AGO2: variants seen among roughly 807,000 people sequenced by gnomAD.
The protein encoded by AGO2 is argonaute RISC catalytic component 2.
Under a neutral mutation model 102.3 loss-of-function variants are expected in AGO2, and 5 were observed. The ratio of observed to expected loss-of-function variants is 0.05; its 90% CI spans 0.03 to 0.10. AGO2 has a LOEUF of 0.10. AGO2 is among the 10% of genes least tolerant of loss of function. AGO2 has a pLI of 1.00. For synonymous variants in AGO2, 449 were observed against 473.1 expected, an observed-to-expected ratio of 0.95 and a Z score of 0.66; for missense variants, 541 against 1,183.7, an observed-to-expected ratio of 0.46 and a Z score of 7.97.
At chr8:140,572,143 T>A (rs997715094) in intron 3 of AGO2, 3 of 152,204 alleles carry the variant, frequency 2.0e-5, no homozygotes, top group African/African-American at 7.2e-5. Flanking sequence ...AGTGACAACT[T>A]CTGGGCAGAA....
intron 10 of AGO2, among the ~76,000 whole-genome samples, chr8:140,551,667 A>ATGGTTGATGGGTGGGTGGT (rs2072999053): frequency 6.7e-6 from 1 of 149,148 alleles, no homozygotes; most frequent in Non-Finnish European, 1.5e-5. Flanking sequence ...GGGTGGGTGG[A>ATGGTTGATGGGTGGGTGGT]TGGTTGATGG....
intron 1 of AGO2, among the ~76,000 whole-genome samples, chr8:140,599,515 C>T (rs1388683082): frequency 1.3e-5 from 2 of 152,178 alleles, no homozygotes; most frequent in African/African-American, 4.8e-5. Context: ...CCCCCTAAAA[C>T]CTGCAGCTCC....
chr8:140,608,610 C>A (rs1333261350), intron 1 of AGO2, among the ~76,000 whole-genome samples: 1 of 152,232 alleles, frequency 6.6e-6, no homozygotes, highest in Non-Finnish European at 1.5e-5. Flanking sequence ...AAGGTCATGG[C>A]TGGCAGCACC....
intron 3 of AGO2, among the ~76,000 whole-genome samples, chr8:140,570,698 T>C (rs1296723473): frequency 6.6e-6 from 1 of 152,164 alleles, no homozygotes; most frequent in African/African-American, 2.4e-5. Context: ...GGAAGTAGTT[T>C]TTATTGCCAT....
At chr8:140,584,943 T>TA (rs1198113039) in intron 2 of AGO2, among the ~76,000 whole-genome samples, 176 bp downstream of exon 2, 2 of 152,132 alleles carry the variant, frequency 1.3e-5, no homozygotes, top group African/African-American at 4.8e-5. Flanking sequence ...TATATATATA[T>TA]TTTTTTCAAT....
At chr8:140,641,746 G>T in the AGO2 span, among the ~76,000 whole-genome samples, 1 of 152,142 alleles carries the variant, frequency 6.6e-6, no homozygotes, top group Admixed American at 6.5e-5. Flanking sequence ...ACCACGCCTG[G>T]CTAATTTTTG....
chr8:140,640,847 GACC>G, the AGO2 span, among the ~76,000 whole-genome samples: 2 of 152,182 alleles, frequency 1.3e-5, no homozygotes, highest in Non-Finnish European at 2.9e-5. Flanking sequence ...ATGATGTGAA[GACC>G]ACCCAGAGCA....
At chr8:140,547,131 C>G (rs548197014) in intron 13 of AGO2, among the ~76,000 whole-genome samples, 2 of 152,182 alleles carry the variant, frequency 1.3e-5, no homozygotes, top group Admixed American at 6.5e-5. Context: ...CTGGTCCACA[C>G]GGTAGCTGCT....
At chr8:140,641,381 A>T in the AGO2 span, among the ~76,000 whole-genome samples, 1 of 152,034 alleles carries the variant, frequency 6.6e-6, no homozygotes, top group Non-Finnish European at 1.5e-5. Context: ...TTAAGTAAAA[A>T]TTGTCAAAGA....
Position 140,539,172 on chromosome 8 carries a change from G to T in AGO2, c.2169+148C>A. On this transcript the variant is annotated intron_variant, in intron 16 of 18. Transcript: ENST00000220592. This position sits in a 1 kb window ranked among gnomAD's most constrained non-coding sequence, Gnocchi z 4.7. ...ACAGCCTTCTCTAGTGTCTAAACCT[G>T]GGTCCCCATGAAGCCCCTTAGAGGA... 8.8e-7 allele frequency: 1 copy of T among 1,138,376 alleles called. No homozygotes were observed. Among genetic ancestry groups the T allele is most frequent in the Non-Finnish European group, 1.2e-6 (1 of 820,562 alleles). The allele number at this position is 1,138,376 out of a possible 1,614,324, so 70.5% of individuals were successfully genotyped here.
intron 1 of AGO2, among the ~76,000 whole-genome samples, chr8:140,624,700 G>A (rs1346657146): frequency 6.6e-6 from 1 of 152,242 alleles, no homozygotes; most frequent in Non-Finnish European, 1.5e-5. Flanking sequence ...CGGCTGGGAG[G>A]AAGGGTTGGA....
chr8:140,605,222 G>T (rs550743959), intron 1 of AGO2, among the ~76,000 whole-genome samples: 23 of 152,270 alleles, frequency 1.5e-4, no homozygotes, highest in African/African-American at 5.3e-4. Context: ...AGCCTCCTGA[G>T]TAGCTAGGAG....
intron 3 of AGO2, among the ~76,000 whole-genome samples, chr8:140,566,908 T>C (rs948713752): frequency 6.6e-6 from 1 of 152,178 alleles, no homozygotes; most frequent in Non-Finnish European, 1.5e-5. Context: ...GGTCACGGCG[T>C]GCAAGTGGAG....
chr8:140,609,134 G>A (rs1355393575), intron 1 of AGO2, among the ~76,000 whole-genome samples: 1 of 152,262 alleles, frequency 6.6e-6, no homozygotes, highest in Non-Finnish European at 1.5e-5. Context: ...GGGGCCACGG[G>A]CTTGTGTACA....
At chr8:140,602,295 G>A (rs888730650) in intron 1 of AGO2, among the ~76,000 whole-genome samples, 4 of 152,124 alleles carry the variant, frequency 2.6e-5, no homozygotes, top group Admixed American at 6.5e-5. Flanking sequence ...AGCCTACATA[G>A]CTATAAGGTC....
chr8:140,635,339 G>A (rs2074392898), intron 1 of AGO2, 146 bp downstream of exon 1: 10 of 459,724 alleles, frequency 2.2e-5, no homozygotes, highest in Non-Finnish European at 2.8e-5. Flanking sequence ...GCCCCCAAGC[G>A]CGGCCCCGGC....
At chr8:140,627,937 T>A (rs976375130) in intron 1 of AGO2, among the ~76,000 whole-genome samples, 4 of 152,170 alleles carry the variant, frequency 2.6e-5, no homozygotes, top group African/African-American at 9.7e-5. Flanking sequence ...GGGGCTGTCC[T>A]CCAGGTTTCT....
intron 14 of AGO2, among the ~76,000 whole-genome samples, chr8:140,543,732 A>G (rs191595404): frequency 5.3e-5 from 8 of 152,318 alleles, no homozygotes; most frequent in Non-Finnish European, 1.0e-4. Flanking sequence ...ATCATTTCCT[A>G]ATTCTCCCAT....
At chr8:140,587,224 C>T (rs898064763) in intron 1 of AGO2, among the ~76,000 whole-genome samples, 2 of 152,166 alleles carry the variant, frequency 1.3e-5, no homozygotes, top group African/African-American at 4.8e-5. Flanking sequence ...GGTACTAACC[C>T]CTGTGAATAA....
Sources: allele counts gnomAD v4.1 joint callset (sites outside exome capture counted in the v4.1 genomes callset), GRCh38; gene constraint gnomAD v4.1.1; non-coding constraint Gnocchi (gnomAD v3.1); transcripts MANE v1.5; gene names NCBI Gene and HGNC (gene_info 2026-07-23, HGNC 2026-07-21).